The following CNOT11 variants were observed in gnomAD, a reference collection of about 807,000 sequenced individuals.
CNOT11 encodes UPF0760 protein C2orf29.
Under a neutral mutation model 44.6 loss-of-function variants are expected in CNOT11, and 18 were observed. The observed-to-expected ratio is 0.40, with a 90% CI of 0.28 to 0.60. The LOEUF is 0.60. CNOT11 is among the 20% of genes least tolerant of loss of function. The probability of loss-of-function intolerance (pLI) is 0.38; values close to 1 mark genes in which losing one functional copy is unlikely to be tolerated. For synonymous variants in CNOT11, 291 were observed against 270.9 expected (o/e 1.07, Z -0.73); for missense variants, 513 against 677.0 (o/e 0.76, Z 2.69).
At chr2:101,255,832 G>A (rs1681725352) in intron 1 of CNOT11, among the ~76,000 whole-genome samples, 1 of 152,032 alleles carries the variant, frequency 6.6e-6, no homozygotes, top group Non-Finnish European at 1.5e-5. Context: ...GCTCTGCCAG[G>A]TATTATTAAA....
At chr2:101,268,914 C>T (rs1206347798) in intron 5 of CNOT11, 126 bp from the exon 6 acceptor site, 3 of 612,938 alleles carry the variant, frequency 4.9e-6, no homozygotes, top group Non-Finnish European at 8.6e-6. Flanking sequence ...ATATTTAAAA[C>T]TAGGGAATTG....
At chr2:101,266,147 T>A (rs1681976750) in intron 4 of CNOT11, among the ~76,000 whole-genome samples, 1 of 152,166 alleles carries the variant, frequency 6.6e-6, no homozygotes, top group Non-Finnish European at 1.5e-5. Context: ...AGTGTGGGTG[T>A]GACTTGAACT....
chr2:101,269,484 C>A lies in CNOT11; in HGVS notation c.*71C>A. 7.3e-7 allele frequency: 1 copy of A among 1,364,950 alleles called. No individual in the cohort carries two copies. The highest frequency in any genetic ancestry group is 1.0e-6 in the Non-Finnish European group (1 of 968,510). 84.6% of individuals were successfully genotyped at this position (1,364,950 alleles called of 1,614,324 possible). On this transcript the variant is annotated 3_prime_UTR_variant, in exon 7 of 7. Coordinates refer to ENST00000289382, the MANE Select transcript of CNOT11 (RefSeq NM_017546.5). The surrounding 1 kb of genome is among the most constrained non-coding windows in gnomAD (Gnocchi z 4.8). Reference sequence around the variant, plus strand: ...TGATTTAGTTTTTACACCGTTAAAACCCTGAGTGGATTGCTTGGTTTAATG... The same window carrying A: ...TGATTTAGTTTTTACACCGTTAAAAACCTGAGTGGATTGCTTGGTTTAATG...
chr2:101,256,057 T>C (rs1190604096), intron 1 of CNOT11, among the ~76,000 whole-genome samples: 1 of 151,650 alleles, frequency 6.6e-6, no homozygotes, highest in East Asian at 1.9e-4. Flanking sequence ...GAGAATTGCT[T>C]GAACCTGGGA....
chr2:101,255,048 T>A (rs1048816735), intron 1 of CNOT11, among the ~76,000 whole-genome samples: 3 of 152,198 alleles, frequency 2.0e-5, no homozygotes, highest in Non-Finnish European at 4.4e-5. Flanking sequence ...TAGACCGCAT[T>A]ATACACACAG....
Position 101,253,545 on chromosome 2 carries a change from T to C in CNOT11, c.514+67T>C. ...TTCCGCAGCTTTCCACCTGCGCTGC[T>C]GGGAACTCACCTGAAAGGGAAATTA... On this transcript the variant is annotated intron_variant, in intron 1 of 6. Coordinates refer to ENST00000289382, the MANE Select transcript of CNOT11 (RefSeq NM_017546.5). The surrounding 1 kb of genome is among the most constrained non-coding windows in gnomAD (Gnocchi z 4.3). 1 of 1,305,412 alleles carries C rather than the reference T, an allele frequency of 7.7e-7. No individual in the cohort carries two copies. The allele number at this position is 1,305,412 out of a possible 1,614,324, so 80.9% of individuals were successfully genotyped here.
rs1301366636 is a variant in CNOT11 at position 101,253,011 on chromosome 2, C to T, written c.47C>T (p.Ala16Val). ...ASAASGRLLT[A>V]AEQRGSREAA... ...GCGGCGTCTGGCCGGCTTCTCACCG[C>T]CGCGGAGCAAAGAGGGTCCCGGGAA... The change falls in exon 1 of 7, where the codon GCC (alanine) becomes GTC (valine). Residue 16 changes from alanine to valine, a missense_variant. Physicochemically the swap from Ala to Val is moderately conservative, Grantham distance 64. Around this residue, in one of 4 missense-constraint regions of CNOT11, gnomAD observed 259 missense variants for 265.7 expected, o/e 0.97. Coordinates refer to ENST00000289382, the MANE Select transcript of CNOT11 (RefSeq NM_017546.5). The surrounding 1 kb of genome is among the most constrained non-coding windows in gnomAD (Gnocchi z 4.3). The T allele has an allele frequency of 6.7e-7, 1 of 1,502,368 alleles. No homozygotes were observed. The highest frequency in any genetic ancestry group is 8.8e-7 in the Non-Finnish European group (1 of 1,132,614). 93.1% of individuals were successfully genotyped at this position (1,502,368 alleles called of 1,614,324 possible).
At chr2:101,261,641 T>C (rs534915000) in intron 2 of CNOT11, among the ~76,000 whole-genome samples, 17 of 152,334 alleles carry the variant, frequency 1.1e-4, no homozygotes, top group Non-Finnish European at 2.1e-4. Flanking sequence ...TTACCTTACA[T>C]CCTCTTCAGC....
intron 5 of CNOT11, among the ~76,000 whole-genome samples, chr2:101,268,237 A>T (rs1682035604): frequency 6.6e-6 from 1 of 152,174 alleles, no homozygotes; most frequent in South Asian, 2.1e-4. Flanking sequence ...TACTGAGTGA[A>T]GACTCACTCT....
At chr2:101,264,819 A>G in intron 3 of CNOT11, 26 bp from the exon 4 acceptor site, 2 of 1,583,608 alleles carry the variant, frequency 1.3e-6, no homozygotes, top group Non-Finnish European at 1.7e-6. Flanking sequence ...TCCTGATAGG[A>G]GCAACTATCA....
chr2:101,253,312 CCT>C lies in CNOT11; in HGVS notation c.349_350del (p.Leu117AlafsTer3). ...TCGTCATGCTGCTCCAGCAGCCCGA[CCT>C]GCTGCCTAGCGCGGCGCAGCGCCTC... ...VLVMLLQQPDLLPSAAQRLTA... is the reference protein window; with the variant it reads ...VLVMLLQQPDXLPSAAQRLTA... On this transcript the variant is annotated frameshift_variant, in exon 1 of 7. Coordinates refer to ENST00000289382, the MANE Select transcript of CNOT11 (RefSeq NM_017546.5). LOFTEE classifies it high-confidence loss of function. The surrounding 1 kb of genome is among the most constrained non-coding windows in gnomAD (Gnocchi z 4.3). 1 of 1,609,394 alleles carries C rather than the reference CCT, an allele frequency of 6.2e-7. No individual in the cohort carries two copies. Among genetic ancestry groups the C allele is most frequent in the South Asian group, 1.1e-5 (1 of 90,930 alleles).
chr2:101,256,070 C>T (rs1269291416), intron 1 of CNOT11, among the ~76,000 whole-genome samples: 1 of 150,846 alleles, frequency 6.6e-6, no homozygotes, highest in Non-Finnish European at 1.5e-5. Context: ...ACCTGGGAGG[C>T]GGAGGCTGTA....
In CNOT11 at chr2:101,253,165, G is replaced by C. The variant is rs1409405493; in HGVS notation, c.201G>C (p.Glu67Asp). 6.3e-7 allele frequency: 1 copy of C among 1,592,082 alleles called. No individual in the cohort carries two copies. The highest frequency in any genetic ancestry group is 2.3e-5 in the East Asian group (1 of 42,930). ...PAGRMSLTPK[E>D]LSSLLSIISE... ...GCAGGATGAGCTTGACCCCGAAGGA[G>C]CTCTCGAGCCTGCTGAGCATCATAT... Residue 67 changes from glutamate (E) to aspartate (D), a missense_variant, in exon 1 of 7, where the codon GAG becomes GAC. Coordinates refer to ENST00000289382, the MANE Select transcript of CNOT11 (RefSeq NM_017546.5). This position sits in a 1 kb window ranked among gnomAD's most constrained non-coding sequence, Gnocchi z 4.3.
At chr2:101,265,484 G>A (rs2104368914) in intron 4 of CNOT11, among the ~76,000 whole-genome samples, 1 of 152,218 alleles carries the variant, frequency 6.6e-6, no homozygotes, top group Non-Finnish European at 1.5e-5. Flanking sequence ...CACTGTGAGT[G>A]AGCAGTAGGA....
chr2:101,255,784 G>A (rs1180157016), intron 1 of CNOT11, among the ~76,000 whole-genome samples: 1 of 152,126 alleles, frequency 6.6e-6, no homozygotes, highest in African/African-American at 2.4e-5. Flanking sequence ...ATTTTTTGCT[G>A]GATATTGATT....
Position 101,264,831 on chromosome 2 carries a change from G to A in CNOT11, c.833-14G>A, listed in dbSNP as rs757634972. ...GCTTCCTGATAGGAGCAACTATCAC[G>A]GCTCTCATTACAGGCCATTTTCGAC... is the stretch of plus-strand genomic sequence containing the variant. On this transcript the variant is annotated splice_polypyrimidine_tract_variant and intron_variant, in intron 3 of 6. Transcript: ENST00000289382. 6.2e-6 allele frequency: 10 copies of A among 1,610,010 alleles called. No homozygotes were observed. The East Asian group carries it at 1.1e-4, about 18-fold the overall frequency.
intron 4 of CNOT11, among the ~76,000 whole-genome samples, chr2:101,265,820 G>T (rs935809826): frequency 6.6e-6 from 1 of 152,146 alleles, no homozygotes; most frequent in Non-Finnish European, 1.5e-5. Context: ...CACTGCCCGA[G>T]TGTGAGACTG....
chr2:101,266,058 A>T (rs975180510), intron 4 of CNOT11, among the ~76,000 whole-genome samples: 1 of 152,112 alleles, frequency 6.6e-6, no homozygotes, highest in African/African-American at 2.4e-5. Flanking sequence ...TAGACGGGGG[A>T]AAAAAAGCAT....
intron 5 of CNOT11, among the ~76,000 whole-genome samples, chr2:101,268,745 TC>T (rs1394116940): frequency 1.3e-5 from 2 of 152,198 alleles, no homozygotes; most frequent in Non-Finnish European, 2.9e-5. Flanking sequence ...TTATTATGAC[TC>T]TAAATTCCAA....
Sources: allele counts gnomAD v4.1 joint callset (sites outside exome capture counted in the v4.1 genomes callset), GRCh38; gene constraint gnomAD v4.1.1; regional missense constraint gnomAD v4.1.1; non-coding constraint Gnocchi (gnomAD v3.1); transcripts MANE v1.5; gene names NCBI Gene and HGNC (gene_info 2026-07-23, HGNC 2026-07-21).